The following ERBB4 variants were observed in gnomAD, a reference collection of about 807,000 sequenced individuals.
ERBB4 encodes the protein receptor tyrosine-protein kinase erbB-4.
A neutral mutation model predicts 158.0 loss-of-function variants in ERBB4; 42 were observed. The observed-to-expected ratio is 0.27, with a 90% CI of 0.21 to 0.34. ERBB4 has a LOEUF of 0.34. Among genes scored for constraint, ERBB4 ranks in the 10% least tolerant of loss-of-function variants. ERBB4 has a pLI of 1.00. For synonymous variants in ERBB4, 583 were observed against 558.7 expected (o/e 1.04, Z -0.61); for missense variants, 1,333 against 1,624.1 (o/e 0.82, Z 3.08).
intron 1 of ERBB4, among the ~76,000 whole-genome samples, chr2:212,216,792 G>T (rs1031196261): frequency 1.3e-5 from 2 of 151,162 alleles, no homozygotes; most frequent in African/African-American, 2.4e-5. Context: ...CTCAGATATG[G>T]CCCACAGCAT....
chr2:212,028,932 C>T (rs2076837375), intron 2 of ERBB4, among the ~76,000 whole-genome samples: 1 of 151,996 alleles, frequency 6.6e-6, no homozygotes, highest in Non-Finnish European at 1.5e-5. Flanking sequence ...AGAGGTGGGG[C>T]TTAGACACCA....
chr2:212,223,092 A>G (rs538016082), intron 1 of ERBB4, among the ~76,000 whole-genome samples: 2 of 151,566 alleles, frequency 1.3e-5, no homozygotes, highest in Non-Finnish European at 3.0e-5. Context: ...GGGCATGCAT[A>G]TAAAAACACA....
chr2:211,581,487 T>C (rs946271579), intron 19 of ERBB4, among the ~76,000 whole-genome samples: 1 of 152,128 alleles, frequency 6.6e-6, no homozygotes, highest in Non-Finnish European at 1.5e-5. Context: ...TTACCACACA[T>C]GCAAAAATAC....
At chr2:211,682,050 TCACACACACACA>T (rs60803024) in intron 12 of ERBB4, among the ~76,000 whole-genome samples, 22 of 134,490 alleles carry the variant, frequency 1.6e-4, no homozygotes, top group East Asian at 1.1e-3. Flanking sequence ...TTTATACACA[TCACACACACACA>T]CACACACACA....
rs2125570641 is a variant in ERBB4, at chr2:212,124,781, C to A, written c.205G>T (p.Glu69Ter). The change falls in exon 2 of 28, where the codon GAG becomes TAG. Residue 69 changes from glutamate (E) to a stop codon, truncating the protein, a stop_gained. Coordinates refer to ENST00000342788, the MANE Select transcript of ERBB4 (RefSeq NM_005235.3). LOFTEE classifies it high-confidence loss of function. ...AGGAAGGAGAGGTCCCGGTTGTGCT[C>A]AATGCTGGTTATCTCCAGGTTGCCC... is the stretch of plus-strand genomic sequence containing the variant. ...VMGNLEITSI[E>*]HNRDLSFLRS... The A allele has an allele frequency of 6.2e-7, 1 of 1,614,126 alleles. No homozygotes were observed. Among genetic ancestry groups the A allele is most frequent in the South Asian group, 1.1e-5 (1 of 91,064 alleles).
intron 4 of ERBB4, among the ~76,000 whole-genome samples, chr2:211,776,278 T>G (rs537172973): frequency 1.3e-5 from 2 of 152,324 alleles, no homozygotes; most frequent in Admixed American, 1.3e-4. Flanking sequence ...CCGAGTTCTA[T>G]TAGCTTGTGT....
intron 2 of ERBB4, among the ~76,000 whole-genome samples, chr2:211,972,043 G>C (rs577389271): frequency 1.3e-5 from 2 of 152,266 alleles, no homozygotes; most frequent in South Asian, 4.2e-4. Flanking sequence ...GGCTTCTTAA[G>C]CTGACAACTT....
chr2:212,221,817 C>T (rs560532121), intron 1 of ERBB4, among the ~76,000 whole-genome samples: 2 of 151,542 alleles, frequency 1.3e-5, no homozygotes, highest in South Asian at 2.1e-4. Context: ...TTCCTCCTAG[C>T]ACCAACACTA....
At chr2:211,420,693 TATC>T in intron 24 of ERBB4, 82 bp from the exon 25 acceptor site, 1 of 1,215,030 alleles carries the variant, frequency 8.2e-7, no homozygotes, top group African/African-American at 1.5e-5. Flanking sequence ...ATTTATGTAA[TATC>T]ATAACAAATG....
chr2:211,948,002 T>G (rs2080750885), intron 2 of ERBB4, among the ~76,000 whole-genome samples: 1 of 152,142 alleles, frequency 6.6e-6, no homozygotes, highest in Non-Finnish European at 1.5e-5. Context: ...TTGGTGAGCC[T>G]AAGTAAAACA....
At chr2:212,068,287 A>G (rs919193549) in intron 2 of ERBB4, among the ~76,000 whole-genome samples, 7 of 152,020 alleles carry the variant, frequency 4.6e-5, no homozygotes, top group Admixed American at 1.3e-4. Context: ...TGAGAGTAAT[A>G]CTGATGCTCT....
intron 2 of ERBB4, among the ~76,000 whole-genome samples, chr2:212,030,474 T>C (rs1267049840): frequency 6.6e-6 from 1 of 152,140 alleles, no homozygotes; most frequent in Non-Finnish European, 1.5e-5. Context: ...TAAGAGACAA[T>C]GTTGTCTTAG....
chr2:211,670,262 A>G (rs1388910195), intron 14 of ERBB4, among the ~76,000 whole-genome samples: 1 of 152,138 alleles, frequency 6.6e-6, no homozygotes, highest in East Asian at 1.9e-4. Flanking sequence ...GTTGAAAGAA[A>G]CCAAACCATA....
intron 3 of ERBB4, among the ~76,000 whole-genome samples, chr2:211,823,353 T>C (rs67938035): frequency 0.23 from 35,091 of 151,692 alleles, 4,193 homozygotes; most frequent in South Asian, 0.33. Context: ...AGACCCAAGC[T>C]TAATCTAGTA....
intron 20 of ERBB4, among the ~76,000 whole-genome samples, chr2:211,435,138 A>G (rs2063822106): frequency 6.6e-6 from 1 of 152,242 alleles, no homozygotes; most frequent in Non-Finnish European, 1.5e-5. Context: ...TAACAGTGAC[A>G]AAAACAAACT....
chr2:212,304,182 G>A (rs1363467256), intron 1 of ERBB4, among the ~76,000 whole-genome samples: 1 of 151,480 alleles, frequency 6.6e-6, no homozygotes, highest in Non-Finnish European at 1.5e-5. Context: ...GAATGTGGAA[G>A]AAGAAATTAT....
intron 1 of ERBB4, among the ~76,000 whole-genome samples, chr2:212,422,722 G>T (rs2091824504): frequency 6.6e-6 from 1 of 152,130 alleles, no homozygotes; most frequent in Non-Finnish European, 1.5e-5. Flanking sequence ...AGATATAAAA[G>T]ACTAGTAGAT....
In ERBB4 at chr2:211,580,810, ATAATATATATATAT is replaced by A. The variant is rs1559317110; in HGVS notation, c.2302-18736_2302-18723del. On this transcript the variant is annotated intron_variant, in intron 19 of 27. Transcript: ENST00000342788. ...GTGATATATATATATATATATATAT[ATAATATATATATAT>A]TATATATATAGATTATATATTATAT... 5.3e-4 allele frequency among the ~76,000 whole-genome samples: 27 copies of A among 50,582 alleles called. 1 individual carries two copies. Among genetic ancestry groups the A allele is most frequent in the African/African-American group, 3.7e-3 (27 of 7,334 alleles). The allele number at this position is 50,582 out of a possible 152,430, so 33.2% of individuals were successfully genotyped here. A position where few individuals can be genotyped will look rare whatever the true frequency, so the allele number is the denominator to read the frequency against.
intron 1 of ERBB4, among the ~76,000 whole-genome samples, chr2:212,172,889 G>A (rs755967721): frequency 1.3e-5 from 2 of 152,038 alleles, no homozygotes; most frequent in African/African-American, 2.4e-5. Context: ...TATGGCACAC[G>A]TTTACCCATG....
Sources: allele counts gnomAD v4.1 joint callset (sites outside exome capture counted in the v4.1 genomes callset), GRCh38; gene constraint gnomAD v4.1.1; transcripts MANE v1.5; gene names NCBI Gene and HGNC (gene_info 2026-07-23, HGNC 2026-07-21).